The following FAM167A variants were observed in gnomAD, a reference collection of about 807,000 sequenced individuals.
FAM167A encodes family with sequence similarity 167 member A.
Under a neutral mutation model 14.9 loss-of-function variants are expected in FAM167A, and 23 were observed. The observed-to-expected ratio is 1.55, with a 90% confidence interval of 1.11 to 2.19. The LOEUF (loss-of-function observed/expected upper bound fraction) is 2.19, where lower values mean the gene tolerates loss of function less well. Ranked by LOEUF, FAM167A falls within the 30% of genes most tolerant of loss-of-function variation. The pLI is 0.00. For synonymous variants in FAM167A, 174 were observed against 117.7 expected, an observed-to-expected ratio of 1.48 and a Z score of -3.10; for missense variants, 401 against 281.5, an observed-to-expected ratio of 1.42 and a Z score of -3.04.
chr8:11,438,453 A>G, intron 2 of FAM167A: 1 of 457,276 alleles, frequency 2.2e-6, no homozygotes, highest in Non-Finnish European at 4.4e-6. Flanking sequence ...TATGCTACAG[A>G]AGTACAAGGT....
intron 1 of FAM167A, among the ~76,000 whole-genome samples, chr8:11,455,840 GA>G (rs1807243046): frequency 1.3e-5 from 1 of 79,954 alleles, no homozygotes; most frequent in Non-Finnish European, 2.7e-5. Context: ...GTGTGAGTGT[GA>G]GGGTTGGTTG....
chr8:11,472,773 T>C (rs1168864859), intron 1 of FAM167A, among the ~76,000 whole-genome samples: 1 of 152,148 alleles, frequency 6.6e-6, no homozygotes. Context: ...ATCACTTCCT[T>C]TGGTTGGATG....
intron 2 of FAM167A, among the ~76,000 whole-genome samples, 183 bp from the exon 3 acceptor site, chr8:11,424,819 C>A (rs1043475779): frequency 6.6e-6 from 1 of 152,182 alleles, no homozygotes. Flanking sequence ...AATGAGGGTG[C>A]GGTCGCAAAA....
intron 1 of FAM167A, among the ~76,000 whole-genome samples, chr8:11,446,844 G>C (rs985950243): frequency 6.6e-6 from 1 of 152,238 alleles, no homozygotes; most frequent in Non-Finnish European, 1.5e-5. Flanking sequence ...TCTTTGCTGA[G>C]GTGCCAGGAT....
At chr8:11,426,907 C>T (rs547074739) in intron 2 of FAM167A, among the ~76,000 whole-genome samples, 5 of 152,244 alleles carry the variant, frequency 3.3e-5, no homozygotes, top group East Asian at 3.9e-4. Context: ...TCGTCTCAGG[C>T]GAGCAGAGGG....
intron 2 of FAM167A, among the ~76,000 whole-genome samples, chr8:11,439,922 C>T (rs76513487): frequency 0.036 from 5,538 of 152,182 alleles, 331 homozygotes; most frequent in African/African-American, 0.13. Context: ...GACCAAAGCC[C>T]GGGCAGAGGC....
At position 11,423,983 on chromosome 8, in the gene FAM167A, A is replaced by T; in HGVS notation, c.*390T>A. 1 of 220,354 alleles carries T rather than the reference A, an allele frequency of 4.5e-6. No individual in the cohort carries two copies. 13.6% of individuals were successfully genotyped at this position (220,354 alleles called of 1,614,324 possible). ...TAATTTCCCCCAAGGCCCTTGCGGG[A>T]CAGCCTTCTGCAAAAATGACAGCTT... On this transcript the variant is annotated 3_prime_UTR_variant, in exon 3 of 3. Coordinates refer to ENST00000284486, the MANE Select transcript of FAM167A (RefSeq NM_053279.3).
At chr8:11,468,488 G>A (rs1047168778), upstream of FAM167A, among the ~76,000 whole-genome samples, 32 of 152,252 alleles carry the variant, frequency 2.1e-4, no homozygotes, top group African/African-American at 7.7e-4. Context: ...TGATTAGTAT[G>A]TGTCTCCCTC....
chr8:11,452,535 C>T (rs576003435), intron 1 of FAM167A, among the ~76,000 whole-genome samples: 3 of 152,352 alleles, frequency 2.0e-5, no homozygotes, highest in Admixed American at 2.0e-4. Flanking sequence ...GTGGCTGCAT[C>T]TGTCTCCCAC....
intron 1 of FAM167A, among the ~76,000 whole-genome samples, chr8:11,447,462 G>A (rs933809900): frequency 6.6e-6 from 1 of 152,230 alleles, no homozygotes; most frequent in Non-Finnish European, 1.5e-5. Flanking sequence ...TGGTGGCACG[G>A]GCATTAGCCC....
chr8:11,465,942 C>A (rs1184880230), intron 1 of FAM167A, among the ~76,000 whole-genome samples: 2 of 152,156 alleles, frequency 1.3e-5, no homozygotes, highest in African/African-American at 2.4e-5. Flanking sequence ...CAAGCCCCGC[C>A]GGGAATAAAA....
upstream of FAM167A, among the ~76,000 whole-genome samples, chr8:11,469,200 AG>A: frequency 1.3e-5 from 2 of 151,552 alleles, no homozygotes; most frequent in Non-Finnish European, 3.0e-5. Flanking sequence ...CATGGAAAAA[AG>A]ATTGGAAGAG....
chr8:11,428,467 AAG>A (rs921349995), intron 2 of FAM167A, among the ~76,000 whole-genome samples: 40 of 152,310 alleles, frequency 2.6e-4, no homozygotes, highest in Middle Eastern at 3.4e-3. Flanking sequence ...TAAGGGTGAA[AAG>A]AGAAAGAAAG....
chr8:11,468,820 T>G (rs1262069932), upstream of FAM167A, among the ~76,000 whole-genome samples: 1 of 152,244 alleles, frequency 6.6e-6, no homozygotes, highest in Non-Finnish European at 1.5e-5. Context: ...ATGCCTCAAA[T>G]GGACAGGCAG....
At chr8:11,455,912 AGG>A (rs1807250963) in intron 1 of FAM167A, among the ~76,000 whole-genome samples, 1 of 38,818 alleles carries the variant, frequency 2.6e-5, no homozygotes, top group Non-Finnish European at 5.0e-5. Flanking sequence ...TGTGAGTGTG[AGG>A]GGTGGTTGCC....
At chr8:11,425,404 C>G (rs1805066089) in intron 2 of FAM167A, among the ~76,000 whole-genome samples, 1 of 152,152 alleles carries the variant, frequency 6.6e-6, no homozygotes, top group Non-Finnish European at 1.5e-5. Flanking sequence ...GACTCCAGAA[C>G]CAAAATGACT....
intron 1 of FAM167A, among the ~76,000 whole-genome samples, chr8:11,452,138 A>G (rs1277249910): frequency 6.6e-6 from 1 of 152,172 alleles, no homozygotes; most frequent in Non-Finnish European, 1.5e-5. Flanking sequence ...ATTGAGAACC[A>G]CAGGGTGGAT....
At chr8:11,462,525 A>G (rs569086687) in intron 1 of FAM167A, among the ~76,000 whole-genome samples, 1 of 152,302 alleles carries the variant, frequency 6.6e-6, no homozygotes, top group South Asian at 2.1e-4. Flanking sequence ...TGCACTGCGA[A>G]AGTTAACTGA....
At chr8:11,443,162 G>T (rs935998996) in intron 2 of FAM167A, among the ~76,000 whole-genome samples, 2 of 152,176 alleles carry the variant, frequency 1.3e-5, no homozygotes, top group East Asian at 3.9e-4. Context: ...GCTGGGGTAG[G>T]GTTAGCTTCA....
Sources: allele counts gnomAD v4.1 joint callset (sites outside exome capture counted in the v4.1 genomes callset), GRCh38; gene constraint gnomAD v4.1.1; transcripts MANE v1.5; gene names NCBI Gene and HGNC (gene_info 2026-07-23, HGNC 2026-07-21).